Variants in DNAH10 observed in about 807,000 individuals in gnomAD.
DNAH10 encodes the protein dynein axonemal heavy chain 10.
Under a neutral mutation model 506.6 loss-of-function variants are expected in DNAH10, and 348 were observed. The ratio of observed to expected loss-of-function variants is 0.69; its 90% CI spans 0.63 to 0.75. The LOEUF is 0.75. Ranked by LOEUF, DNAH10 falls within the 30% of genes least tolerant of loss-of-function variation. The pLI is 0.00. For missense variants in DNAH10, 5,179 were observed against 5,787.1 expected (o/e 0.89, Z 3.41); for synonymous variants, 2,059 against 2,198.6 (o/e 0.94, Z 1.78).
chr12:123,887,317 C>T lies in DNAH10; in HGVS notation c.8995+4C>T. On this transcript the variant is annotated splice_donor_region_variant and intron_variant, in intron 52 of 78. Coordinates refer to ENST00000673944, the MANE Select transcript of DNAH10 (RefSeq NM_001372106.1). ...ATCAACAACATGCTGACCTCAGGTACAGCCAAGGCTGGCGCCCGCTGTGGC... is the reference window on the plus strand; with the variant it reads ...ATCAACAACATGCTGACCTCAGGTATAGCCAAGGCTGGCGCCCGCTGTGGC... The T allele has an allele frequency of 3.1e-6, 5 of 1,612,190 alleles. No homozygotes were observed. The highest frequency in any genetic ancestry group is 4.2e-6 in the Non-Finnish European group (5 of 1,179,332).
At position 123,931,695 on chromosome 12, in the gene DNAH10, G is replaced by A. The variant is rs1347626749; in HGVS notation, c.12976G>A (p.Glu4326Lys). 1 of 1,614,046 alleles carries A rather than the reference G, an allele frequency of 6.2e-7. No homozygotes were observed. Among genetic ancestry groups the A allele is most frequent in the Admixed American group, 1.7e-5 (1 of 60,028 alleles). ...DYIGQVAKEI[E>K]NKMPKVFDLD... Reference sequence around the variant, plus strand: ...TATTGGCCAAGTGGCCAAAGAAATAGAAAACAAGATGCCCAAAGTCTTTGA... The same window carrying A: ...TATTGGCCAAGTGGCCAAAGAAATAAAAAACAAGATGCCCAAAGTCTTTGA... The change falls in exon 75 of 79, where the codon GAA (glutamate) becomes AAA (lysine). Residue 4326 changes from glutamate to lysine, a missense_variant. By Grantham distance (56) the Glu-to-Lys change is moderately conservative (BLOSUM62 1). This residue lies in a region of DNAH10 where 4,844 missense variants were observed against 5,430.5 expected (regional missense o/e 0.89). Transcript: ENST00000673944.
chr12:123,847,085 TATCTATCTATCTA>T (rs929925263), intron 32 of DNAH10, among the ~76,000 whole-genome samples: 1 of 148,248 alleles, frequency 6.7e-6, no homozygotes, highest in Non-Finnish European at 1.5e-5. Flanking sequence ...TCTGTGTATC[TATCTATCTATCTA>T]ATCTATCTAT....
intron 29 of DNAH10, among the ~76,000 whole-genome samples, chr12:123,840,367 G>C (rs1277246536): frequency 6.6e-6 from 1 of 150,700 alleles, no homozygotes; most frequent in Non-Finnish European, 1.5e-5. Context: ...TTCTCAAAGG[G>C]GAGGCTTCTT....
In DNAH10 at chr12:123,931,484, T is replaced by G; in HGVS notation, c.12916+12T>G. The G allele has an allele frequency of 6.2e-7, 1 of 1,612,626 alleles. No homozygotes were observed. Among genetic ancestry groups the G allele is most frequent in the South Asian group, 1.1e-5 (1 of 90,886 alleles). ...GCAGCCTCAGACAGGTAAACTCTAC[T>G]CAGGAGGACTTCATTAGTTTGATTG... On this transcript the variant is annotated intron_variant, in intron 74 of 78. Transcript: ENST00000673944.
At chr12:123,786,032 A>C in intron 9 of DNAH10, 96 bp downstream of exon 9, 1 of 1,297,014 alleles carries the variant, frequency 7.7e-7, no homozygotes, top group Non-Finnish European at 1.0e-6. Flanking sequence ...TTCACATATA[A>C]TTCTCTTACT....
intron 50 of DNAH10, among the ~76,000 whole-genome samples, 164 bp downstream of exon 50, chr12:123,879,965 G>A (rs1358950316): frequency 6.6e-6 from 1 of 152,184 alleles, no homozygotes; most frequent in African/African-American, 2.4e-5. Flanking sequence ...CATCCAGCAT[G>A]CTTGGGAGTG....
At chr12:123,801,848 T>C (rs1313490035) in intron 16 of DNAH10, among the ~76,000 whole-genome samples, 1 of 152,170 alleles carries the variant, frequency 6.6e-6, no homozygotes. Context: ...ATTGATACAG[T>C]CGAGATAGAG....
At chr12:123,931,875 C>T (rs978536312) in intron 75 of DNAH10, 28 bp downstream of exon 75, 8 of 1,613,096 alleles carry the variant, frequency 5.0e-6, no homozygotes, top group Non-Finnish European at 6.8e-6. Context: ...GTGCAGATTA[C>T]TGCCTAGATA....
rs1283951087 is a variant in DNAH10 at position 123,770,971 on chromosome 12, A to ACTTT, written c.299-630_299-629insCTTT. Reference sequence around the variant, plus strand: ...AGTAAATGCTAACATGCTAGCTGTAATTCTTTTTTTTTTTTTTTTTTGAGA... The same window carrying ACTTT: ...AGTAAATGCTAACATGCTAGCTGTAACTTTTTCTTTTTTTTTTTTTTTTTTGAGA... On this transcript the variant is annotated intron_variant, in intron 2 of 78. Transcript: ENST00000673944. 2.8e-3 allele frequency among the ~76,000 whole-genome samples: 333 copies of ACTTT among 117,842 alleles called. 4 individuals carry two copies. The highest frequency in any genetic ancestry group is 9.7e-3 in the African/African-American group (288 of 29,550). 77.3% of individuals were successfully genotyped at this position (117,842 alleles called of 152,430 possible).
intron 11 of DNAH10, among the ~76,000 whole-genome samples, chr12:123,791,577 ATTATTTT>A (rs1958081265): frequency 6.6e-6 from 1 of 151,490 alleles, no homozygotes; most frequent in Admixed American, 6.6e-5. Context: ...GTTTTCTTTT[ATTATTTT>A]TTATTTTTTA....
rs1303734086 is a variant in DNAH10 at position 123,928,482 on chromosome 12, G to T, written c.12201G>T (p.Glu4067Asp). 1 of 1,611,072 alleles carries T rather than the reference G, an allele frequency of 6.2e-7. No individual in the cohort carries two copies. The highest frequency in any genetic ancestry group is 2.2e-5 in the East Asian group (1 of 44,778). The change falls in exon 70 of 79, where the codon GAG (glutamate) becomes GAT (aspartate). Residue 4067 changes from glutamate (E) to aspartate (D), a missense_variant. Physicochemically the swap from Glu to Asp is conservative, Grantham distance 45. Coordinates refer to ENST00000673944, the MANE Select transcript of DNAH10 (RefSeq NM_001372106.1). The surrounding 1 kb of genome is among the most constrained non-coding windows in gnomAD (Gnocchi z 4.9). Reference protein sequence around the residue: ...HLLVKWLKDLEKSLERITKPH... With the variant: ...HLLVKWLKDLDKSLERITKPH... ...TGGTCAAGTGGCTGAAAGATCTGGA[G>T]AAGTCCCTGGAGAGGATCACCAAGC...
rs1278974103 is a variant in DNAH10, at chr12:123,837,599, C to T, written c.4903-857C>T. Among the ~76,000 whole-genome samples, 14 of 146,604 alleles carry T rather than the reference C, an allele frequency of 9.5e-5. No homozygotes were observed. The East Asian group carries it at 9.9e-4, about 10-fold the overall frequency. Reference sequence around the variant, plus strand: ...GATTGTTCTTTTTTTTTTTTAGAGACGAGGTCTTGCCTTGTTGCCCAAGCT... The same window carrying T: ...GATTGTTCTTTTTTTTTTTTAGAGATGAGGTCTTGCCTTGTTGCCCAAGCT... On this transcript the variant is annotated intron_variant, in intron 28 of 78. Transcript: ENST00000673944.
intron 47 of DNAH10, among the ~76,000 whole-genome samples, chr12:123,876,583 A>G (rs1315354736): frequency 6.6e-6 from 1 of 152,198 alleles, no homozygotes; most frequent in African/African-American, 2.4e-5. Context: ...TAGTGAGCCA[A>G]GATCATGCCA....
chr12:123,796,841 C>G lies in DNAH10; in HGVS notation c.2163+9C>G, dbSNP rs1197925473. The stretch of plus-strand genomic sequence containing the variant: ...GTGATCGAGGACAGGAGGTATGTTG[C>G]TCTTGCTAGAATTGGCTCCTTTTGT... On this transcript the variant is annotated intron_variant, in intron 13 of 78. Coordinates refer to ENST00000673944, the MANE Select transcript of DNAH10 (RefSeq NM_001372106.1). 6.3e-7 allele frequency: 1 copy of G among 1,583,990 alleles called. No individual in the cohort carries two copies. The highest frequency in any genetic ancestry group is 1.4e-5 in the African/African-American group (1 of 73,114).
At position 123,804,893 on chromosome 12, in the gene DNAH10, T is replaced by C; in HGVS notation, c.2840T>C (p.Val947Ala). ...RERASDVDHMVRWYLAIGPLL... is the reference protein window; with the variant it reads ...RERASDVDHMARWYLAIGPLL... ...AGGGCCAGCGACGTGGACCACATGG[T>C]CCGGTGGTATCTTGCCATTGGACCA... The change falls in exon 18 of 79, where the codon GTC (valine) becomes GCC (alanine). Residue 947 changes from valine (V) to alanine (A), a missense_variant. Physicochemically the swap from Val to Ala is moderately conservative, Grantham distance 64. Around this residue, in one of 3 missense-constraint regions of DNAH10, gnomAD observed 4,844 missense variants for 5,430.5 expected, o/e 0.89. Transcript: ENST00000673944. 1 of 1,613,732 alleles carries C rather than the reference T, an allele frequency of 6.2e-7. No individual in the cohort carries two copies. The highest frequency in any genetic ancestry group is 1.8e-4 in the Middle Eastern group (1 of 5,678).
rs1274980980 is a variant in DNAH10, at chr12:123,846,211, C to G, written c.5814+57C>G. On this transcript the variant is annotated intron_variant, in intron 32 of 78. Transcript: ENST00000673944. This position sits in a 1 kb window ranked among gnomAD's most constrained non-coding sequence, Gnocchi z 4.5. ...CTTACCTTGGGGCGGGGCATTTTCT[C>G]TAAGCTTGAGGTGTGATGACTGCAG... is the stretch of plus-strand genomic sequence containing the variant. 1.3e-6 allele frequency: 2 copies of G among 1,559,590 alleles called. No homozygotes were observed. The highest frequency in any genetic ancestry group is 3.7e-5 in the Admixed American group (2 of 54,092).
At chr12:123,776,899 G>A (rs1316915778) in intron 5 of DNAH10, among the ~76,000 whole-genome samples, 2 of 152,204 alleles carry the variant, frequency 1.3e-5, no homozygotes, top group African/African-American at 4.8e-5. Flanking sequence ...CAAGATCAAT[G>A]AGAAAATATA....
chr12:123,870,216 G>T (rs539072256), intron 43 of DNAH10, 150 bp from the exon 44 acceptor site: 1 of 1,003,170 alleles, frequency 1.0e-6, no homozygotes, highest in African/African-American at 1.6e-5. Context: ...CAAGGTACTC[G>T]GTATCTGTCC....
intron 51 of DNAH10, among the ~76,000 whole-genome samples, chr12:123,884,732 T>C (rs1208047900): frequency 1.3e-5 from 2 of 152,146 alleles, no homozygotes; most frequent in Admixed American, 6.5e-5. Context: ...ACATTCAGTC[T>C]ATTGCACGGA....
Sources: gnomAD v4.1 joint callset for allele counts (sites outside exome capture counted in the v4.1 genomes callset) on GRCh38, gnomAD v4.1.1 for gene constraint, gnomAD v4.1.1 regional missense constraint, Gnocchi (gnomAD v3.1) non-coding constraint, MANE v1.5 for transcripts, NCBI Gene and HGNC (gene_info 2026-07-23, HGNC 2026-07-21) for gene names.